The following TYR variants were observed in gnomAD, a reference collection of about 807,000 sequenced individuals.
TYR encodes LB24-AB.
Under a neutral mutation model 51.5 loss-of-function variants are expected in TYR, and 58 were observed. The ratio of observed to expected loss-of-function variants is 1.13; its 90% confidence interval spans 0.91 to 1.40. The LOEUF (loss-of-function observed/expected upper bound fraction) is 1.40. Among genes scored for constraint, TYR ranks in the 40% most tolerant of loss-of-function variants. The pLI is 0.00. For synonymous variants in TYR, 263 were observed against 235.2 expected, an observed-to-expected ratio of 1.12 and a Z score of -1.08; for missense variants, 732 against 647.4, an observed-to-expected ratio of 1.13 and a Z score of -1.42.
intron 3 of TYR, among the ~76,000 whole-genome samples, chr11:89,257,323 C>G (rs1278452799): frequency 1.3e-5 from 2 of 151,954 alleles, no homozygotes; most frequent in African/African-American, 4.8e-5. Flanking sequence ...GTAAATTTCA[C>G]ACAATAACAA....
intron 3 of TYR, among the ~76,000 whole-genome samples, chr11:89,246,415 C>A (rs1944268256): frequency 6.6e-6 from 1 of 152,138 alleles, no homozygotes; most frequent in Non-Finnish European, 1.5e-5. Flanking sequence ...CAAAGACTAG[C>A]TCCTGTAAAG....
At chr11:89,199,078 A>G (rs1943562710) in intron 2 of TYR, among the ~76,000 whole-genome samples, 1 of 152,114 alleles carries the variant, frequency 6.6e-6, no homozygotes, top group Admixed American at 6.6e-5. Flanking sequence ...TGTCCCTAAA[A>G]AGGACATGAA....
At chr11:89,201,622 T>C (rs1332315384) in intron 2 of TYR, among the ~76,000 whole-genome samples, 1 of 152,244 alleles carries the variant, frequency 6.6e-6, no homozygotes, top group East Asian at 1.9e-4. Context: ...GTACACTTGG[T>C]TGCCACTACC....
chr11:89,209,697 C>G (rs111235686), intron 2 of TYR, among the ~76,000 whole-genome samples: 1 of 152,152 alleles, frequency 6.6e-6, no homozygotes, highest in Non-Finnish European at 1.5e-5. Context: ...CTGGGAGACA[C>G]TACCCAGTAG....
intron 3 of TYR, among the ~76,000 whole-genome samples, chr11:89,275,557 G>C (rs112509318): frequency 6.6e-6 from 1 of 151,776 alleles, no homozygotes; most frequent in Admixed American, 6.6e-5. Flanking sequence ...AAAATATTAA[G>C]CAAGATATTG....
At chr11:89,273,385 G>A (rs1163637164) in intron 3 of TYR, among the ~76,000 whole-genome samples, 2 of 151,806 alleles carry the variant, frequency 1.3e-5, no homozygotes, top group African/African-American at 2.4e-5. Context: ...GGGGCGTGAG[G>A]GAAGGAGGAT....
At chr11:89,191,039 T>C (rs1943436387) in intron 1 of TYR, among the ~76,000 whole-genome samples, 163 bp from the exon 2 acceptor site, 1 of 152,152 alleles carries the variant, frequency 6.6e-6, no homozygotes, top group African/African-American at 2.4e-5. Context: ...AATCACCTAA[T>C]GATGGATTTC....
intron 3 of TYR, among the ~76,000 whole-genome samples, chr11:89,249,617 C>T (rs1944308231): frequency 6.6e-6 from 1 of 151,904 alleles, no homozygotes; most frequent in Non-Finnish European, 1.5e-5. Flanking sequence ...AGAATGGAAG[C>T]TTCGGGAGCC....
Position 89,284,805 on chromosome 11 carries a change from C to T in TYR, c.1217C>T (p.Pro406Leu), listed in dbSNP as rs104894313. The T allele has an allele frequency of 4.5e-3, 7,323 of 1,611,690 alleles. 23 individuals carry two copies. Among genetic ancestry groups the T allele is most frequent in the Middle Eastern group, 5.3e-3 (32 of 6,040 alleles). ...GAGCAGTGGCTCCGAAGGCACCGTC[C>T]TCTTCAAGAAGTTTATCCAGAAGCC... ...IFEQWLRRHRPLQEVYPEANA... is the reference protein window; with the variant it reads ...IFEQWLRRHRLLQEVYPEANA... Residue 406 changes from proline to leucine, a missense_variant, in exon 4 of 5, where the codon CCT becomes CTT. Coordinates refer to ENST00000263321, the MANE Select transcript of TYR (RefSeq NM_000372.5).
chr11:89,258,020 G>A (rs1328893084), intron 3 of TYR, among the ~76,000 whole-genome samples: 1 of 151,886 alleles, frequency 6.6e-6, no homozygotes, highest in African/African-American at 2.4e-5. Flanking sequence ...ACTTAACAAT[G>A]TGAAATTGTG....
chr11:89,189,136 A>G (rs1943410976), intron 1 of TYR, among the ~76,000 whole-genome samples: 1 of 152,058 alleles, frequency 6.6e-6, no homozygotes, highest in Non-Finnish European at 1.5e-5. Flanking sequence ...CACAAAATAC[A>G]CTAAAGATGA....
At chr11:89,278,894 T>C (rs530911301) in intron 3 of TYR, among the ~76,000 whole-genome samples, 2 of 151,890 alleles carry the variant, frequency 1.3e-5, no homozygotes, top group East Asian at 3.9e-4. Flanking sequence ...CTTTCTTTGT[T>C]TTTTTGATGA....
rs765329261 is a variant in TYR, at chr11:89,178,706, C to T, written c.753C>T (p.Tyr251=). The change falls in exon 1 of 5, where the codon TAC becomes TAT. Residue 251 remains tyrosine, a synonymous_variant. Coordinates refer to ENST00000263321, the MANE Select transcript of TYR (RefSeq NM_000372.5). ...AGTGTGACATTTGCACAGATGAGTACATGGGAGGTCAGCACCCCACAAATC... is the reference window on the plus strand; with the variant it reads ...AGTGTGACATTTGCACAGATGAGTATATGGGAGGTCAGCACCCCACAAATC... ...AEKCDICTDE[Y]MGGQHPTNPN... is the part of the protein sequence containing the mutation. 2.0e-5 allele frequency: 32 copies of T among 1,613,958 alleles called. No homozygotes were observed. The South Asian group carries it at 3.3e-4, about 17-fold the overall frequency.
chr11:89,256,575 A>G (rs1944394647), intron 3 of TYR, among the ~76,000 whole-genome samples: 1 of 151,934 alleles, frequency 6.6e-6, no homozygotes. Context: ...TCAGTTGTTT[A>G]TATAATAATA....
intron 3 of TYR, among the ~76,000 whole-genome samples, chr11:89,249,566 C>T (rs538909931): frequency 0.011 from 1,567 of 148,136 alleles, 23 homozygotes; most frequent in African/African-American, 0.034. Context: ...GGTCTGAAAA[C>T]ACAAGGATGA....
At chr11:89,204,868 A>G (rs930884398) in intron 2 of TYR, among the ~76,000 whole-genome samples, 1 of 152,072 alleles carries the variant, frequency 6.6e-6, no homozygotes, top group African/African-American at 2.4e-5. Flanking sequence ...GAAGTAACAG[A>G]TATGTTAAAA....
chr11:89,262,055 A>G (rs1944462447), intron 3 of TYR, among the ~76,000 whole-genome samples: 1 of 152,044 alleles, frequency 6.6e-6, no homozygotes, highest in African/African-American at 2.4e-5. Context: ...TGGCAATGAC[A>G]GAGATTTTTT....
chr11:89,185,519 GT>G (rs1943359851), intron 1 of TYR, among the ~76,000 whole-genome samples: 1 of 152,142 alleles, frequency 6.6e-6, no homozygotes, highest in Non-Finnish European at 1.5e-5. Flanking sequence ...AAACAACAAT[GT>G]GAAAATAAAT....
At chr11:89,277,160 G>A (rs1302794182) in intron 3 of TYR, among the ~76,000 whole-genome samples, 3 of 151,456 alleles carry the variant, frequency 2.0e-5, no homozygotes, top group Non-Finnish European at 3.0e-5. Flanking sequence ...AGTTTAAATG[G>A]AAATGTTTAT....
Sources: allele counts gnomAD v4.1 joint callset (sites outside exome capture counted in the v4.1 genomes callset), GRCh38; gene constraint gnomAD v4.1.1; transcripts MANE v1.5; gene names NCBI Gene and HGNC (gene_info 2026-07-23, HGNC 2026-07-21).